Variants in GTF2IRD1 observed in about 807,000 individuals in gnomAD.
GTF2IRD1 encodes GTF2I repeat domain containing 1, also known as general transcription factor II-I repeat domain-containing protein 1.
In GTF2IRD1, 26 loss-of-function variants were observed where a neutral mutation model predicts 113.2. The observed-to-expected ratio is 0.23, with a 90% CI of 0.17 to 0.32. The LOEUF is 0.32. GTF2IRD1 is among the 10% of genes least tolerant of loss of function. The pLI is 1.00. For missense variants in GTF2IRD1, 864 were observed against 1,280.8 expected (o/e 0.67, Z 4.97); for synonymous variants, 484 against 529.1 (o/e 0.91, Z 1.17).
intron 11 of GTF2IRD1, among the ~76,000 whole-genome samples, 198 bp from the exon 12 acceptor site, chr7:74,537,938 C>T (rs1459606436): frequency 6.6e-6 from 1 of 152,220 alleles, no homozygotes; most frequent in Admixed American, 6.5e-5. Context: ...AGATTGTGGT[C>T]CCTGGAGACA....
chr7:74,464,384 T>TCCTGGGTGACACC lies in GTF2IRD1; in HGVS notation c.-7+10209_-7+10210insCTGGGTGACACCC, dbSNP rs782508013. Among the ~76,000 whole-genome samples the TCCTGGGTGACACC allele has an allele frequency of 9.6e-3, 1,461 of 152,294 alleles. 22 individuals are homozygous for TCCTGGGTGACACC. The highest frequency in any genetic ancestry group is 0.032 in the African/African-American group (1,326 of 41,564). ...TAAGGAGATGGAGCTTCCTGGGTGA[T>TCCTGGGTGACACC]CACATGTCTTGCGTGGGTGTCTTGA... On this transcript the variant is annotated intron_variant, in intron 1 of 26. Coordinates refer to ENST00000424337, the MANE Select transcript of GTF2IRD1 (RefSeq NM_005685.4).
In GTF2IRD1 at chr7:74,476,193, G is replaced by A. The variant is rs148840716; in HGVS notation, c.-7+22017G>A. Among the ~76,000 whole-genome samples the A allele has an allele frequency of 8.5e-5, 13 of 152,200 alleles. No homozygotes were observed. The East Asian group carries it at 2.5e-3, about 29-fold the overall frequency. On this transcript the variant is annotated intron_variant, in intron 1 of 26. Coordinates refer to ENST00000424337, the MANE Select transcript of GTF2IRD1 (RefSeq NM_005685.4). The stretch of plus-strand genomic sequence containing the variant: ...CTGTCTGTAAAATGGGATGGCGTAG[G>A]TGTGGGCTGGTGGTGCCTGGTGGGT...
intron 1 of GTF2IRD1, chr7:74,487,548 G>C (rs1203304629): frequency 6.6e-6 from 1 of 152,084 alleles, no homozygotes; most frequent in Non-Finnish European, 1.5e-5. Context: ...GACTGTTTTT[G>C]CAATCTCTAG....
At position 74,466,956 on chromosome 7, in the gene GTF2IRD1, T is replaced by C. The variant is rs1405216254; in HGVS notation, c.-7+12780T>C. Reference sequence around the variant, plus strand: ...CCTCCTCCACCCTTTTTCTTTCTTTTTTTTTTTTTTTGGAGACAGGGTCTC... The same window carrying C: ...CCTCCTCCACCCTTTTTCTTTCTTTCTTTTTTTTTTTGGAGACAGGGTCTC... On this transcript the variant is annotated intron_variant, in intron 1 of 26. Coordinates refer to ENST00000424337, the MANE Select transcript of GTF2IRD1 (RefSeq NM_005685.4). Among the ~76,000 whole-genome samples, 19 of 150,998 alleles carry C rather than the reference T, an allele frequency of 1.3e-4. 1 individual carries two copies. The highest frequency in any genetic ancestry group is 2.1e-4 in the Non-Finnish European group (14 of 67,590).
chr7:74,510,787 G>A (rs782260079), intron 2 of GTF2IRD1, among the ~76,000 whole-genome samples: 16 of 151,920 alleles, frequency 1.1e-4, no homozygotes, highest in Non-Finnish European at 1.9e-4. Flanking sequence ...AATGGCTCAC[G>A]CATATAATCC....
chr7:74,545,983 C>T (rs587758506), intron 16 of GTF2IRD1, among the ~76,000 whole-genome samples, 174 bp downstream of exon 16: 1 of 152,206 alleles, frequency 6.6e-6, no homozygotes, highest in African/African-American at 2.4e-5. Flanking sequence ...GATGGGGACA[C>T]TAGAGAGGCT....
At chr7:74,536,044 A>G in intron 10 of GTF2IRD1, 123 bp from the exon 11 acceptor site, 1 of 630,728 alleles carries the variant, frequency 1.6e-6, no homozygotes, top group Non-Finnish European at 2.9e-6. Context: ...CCACAAGGAC[A>G]GGCAGAGGCC....
chr7:74,461,797 T>C (rs1432995226), intron 1 of GTF2IRD1, among the ~76,000 whole-genome samples: 1 of 152,160 alleles, frequency 6.6e-6, no homozygotes, highest in Non-Finnish European at 1.5e-5. Flanking sequence ...CAGGCTGGTT[T>C]TGAACTCCTG....
At chr7:74,471,512 A>C (rs1168687297) in intron 1 of GTF2IRD1, among the ~76,000 whole-genome samples, 1 of 151,980 alleles carries the variant, frequency 6.6e-6, no homozygotes, top group African/African-American at 2.4e-5. Flanking sequence ...CCATCTCTAC[A>C]AAAAGATTTA....
At chr7:74,482,624 G>C (rs1164810587) in intron 1 of GTF2IRD1, among the ~76,000 whole-genome samples, 1 of 152,122 alleles carries the variant, frequency 6.6e-6, no homozygotes. Flanking sequence ...CCAGCACCCA[G>C]ATCAAGAAAC....
chr7:74,525,016 G>A (rs1797521569), intron 8 of GTF2IRD1, among the ~76,000 whole-genome samples: 1 of 152,102 alleles, frequency 6.6e-6, no homozygotes, highest in South Asian at 2.1e-4. Context: ...CAGCCTGGGT[G>A]ACAGAGCGAG....
chr7:74,496,082 G>A (rs1201400419), intron 1 of GTF2IRD1, among the ~76,000 whole-genome samples: 1 of 152,102 alleles, frequency 6.6e-6, no homozygotes, highest in African/African-American at 2.4e-5. Context: ...ATGCATGTGA[G>A]TTTGCATGCA....
intron 1 of GTF2IRD1, among the ~76,000 whole-genome samples, chr7:74,505,617 GTGCCTCCTGCTT>G: frequency 6.6e-6 from 1 of 152,228 alleles, no homozygotes; most frequent in South Asian, 2.1e-4. Flanking sequence ...TGGCTGTCTG[GTGCCTCCTGCTT>G]TGCCCTGATT....
intron 1 of GTF2IRD1, among the ~76,000 whole-genome samples, chr7:74,483,372 T>TA (rs537142027): frequency 0.035 from 5,136 of 146,400 alleles, 225 homozygotes; most frequent in African/African-American, 0.1. Context: ...GCCCCATCTC[T>TA]AAAAAAAAAA....
rs144465935 is a variant in GTF2IRD1 at position 74,519,583 on chromosome 7, G to A, written c.780G>A (p.Thr260=). 338 of 1,612,468 alleles carry A rather than the reference G, an allele frequency of 2.1e-4. 1 individual carries two copies. The highest frequency in any genetic ancestry group is 2.6e-4 in the Non-Finnish European group (308 of 1,179,724). ...SSSMASFLYS[T]ALPNHAIREL... ...CCATGGCCAGCTTCCTGTACAGCAC[G>A]GCGCTCCCCAACCACGCCATCCGAG... is the stretch of plus-strand genomic sequence containing the variant. The change falls in exon 6 of 27, where the codon ACG becomes ACA. Residue 260 remains threonine (T), a synonymous_variant. Transcript: ENST00000424337.
chr7:74,495,910 G>A (rs1400482297), intron 1 of GTF2IRD1, among the ~76,000 whole-genome samples: 2 of 152,144 alleles, frequency 1.3e-5, no homozygotes, highest in Non-Finnish European at 2.9e-5. Flanking sequence ...CATGCCCTGC[G>A]CGTCTCTGTG....
intron 8 of GTF2IRD1, among the ~76,000 whole-genome samples, chr7:74,528,803 GTGGATGGATGGATGGATGGATGGATGGA>G (rs1243826177): frequency 1.9e-5 from 1 of 51,402 alleles, no homozygotes. Context: ...GGGTGGGTGG[GTGGATGGATGGATGGATGGATGGATGGA>G]TGGATGGATG....
intron 4 of GTF2IRD1, among the ~76,000 whole-genome samples, chr7:74,516,965 G>A (rs73135365): frequency 0.029 from 4,352 of 151,572 alleles, 99 homozygotes; most frequent in East Asian, 0.076. Context: ...TTGTTCCTGC[G>A]TCTTCTCAGT....
rs1379940774 is a variant in GTF2IRD1, at chr7:74,508,066, T to C, written c.-6-9T>C. 19 of 1,601,090 alleles carry C rather than the reference T, an allele frequency of 1.2e-5. No homozygotes were observed. The African/African-American group carries it at 2.4e-4, about 20-fold the overall frequency. ...GTGCCCACCACCACTGCCTCCTCCC[T>C]CCCCACAGGCGACCATGGCCTTGCT... On this transcript the variant is annotated splice_polypyrimidine_tract_variant and intron_variant, in intron 1 of 26. Coordinates refer to ENST00000424337, the MANE Select transcript of GTF2IRD1 (RefSeq NM_005685.4).
Sources: gnomAD v4.1 joint callset for allele counts (sites outside exome capture counted in the v4.1 genomes callset) on GRCh38, gnomAD v4.1.1 for gene constraint, MANE v1.5 for transcripts, NCBI Gene and HGNC (gene_info 2026-07-23, HGNC 2026-07-21) for gene names.